ASIC2: variants seen among roughly 807,000 people sequenced by gnomAD.
ASIC2 encodes the protein acid-sensing ion channel 2.
Under a neutral mutation model 57.3 loss-of-function variants are expected in ASIC2, and 25 were observed. The ratio of observed to expected loss-of-function variants is 0.44; its 90% CI spans 0.32 to 0.61. ASIC2 has a LOEUF of 0.61. Ranked by LOEUF, ASIC2 falls within the 20% of genes least tolerant of loss-of-function variation. The pLI, the probability that ASIC2 is intolerant of heterozygous loss-of-function variation, is 0.06. For synonymous variants in ASIC2, 319 were observed against 307.5 expected (o/e 1.04, Z -0.39); for missense variants, 641 against 738.1 (o/e 0.87, Z 1.52).
chr17:33,401,973 T>G (rs2141959190), intron 1 of ASIC2, among the ~76,000 whole-genome samples: 1 of 152,324 alleles, frequency 6.6e-6, no homozygotes, highest in East Asian at 1.9e-4. Context: ...AAAGAATTGA[T>G]TCTCTTCTTT....
intron 2 of ASIC2, among the ~76,000 whole-genome samples, chr17:33,110,517 A>G (rs796862625): frequency 3.7e-4 from 57 of 152,334 alleles, no homozygotes; most frequent in African/African-American, 1.3e-3. Context: ...GAGCTTCCAG[A>G]TGGCACTGGC....
intron 1 of ASIC2, among the ~76,000 whole-genome samples, chr17:33,594,851 T>G (rs1380440634): frequency 6.7e-6 from 1 of 149,320 alleles, no homozygotes; most frequent in Non-Finnish European, 1.5e-5. Flanking sequence ...AAAAGAGCTC[T>G]GTTTAAGCGG....
chr17:33,443,008 G>GT (rs1006217246), intron 1 of ASIC2, among the ~76,000 whole-genome samples: 27 of 151,986 alleles, frequency 1.8e-4, no homozygotes, highest in African/African-American at 6.3e-4. Flanking sequence ...TTTATGAAAT[G>GT]TTTTTTTCTG....
intron 1 of ASIC2, among the ~76,000 whole-genome samples, chr17:34,047,506 CAGAAA>C (rs1416667378): frequency 7.3e-5 from 5 of 68,328 alleles, no homozygotes; most frequent in African/African-American, 4.7e-5. Context: ...CACCTTTCTC[CAGAAA>C]AAAAAAAAAA....
Position 34,061,402 on chromosome 17 carries a change from G to C in ASIC2, c.555+94576C>G, listed in dbSNP as rs144742077. Among the ~76,000 whole-genome samples the C allele has an allele frequency of 5.2e-4, 79 of 152,218 alleles. No homozygotes were observed. In the East Asian group the frequency reaches 0.015, roughly 29 times the overall value. On this transcript the variant is annotated intron_variant, in intron 1 of 9. Transcript: ENST00000359872. Reference sequence around the variant, plus strand: ...CACATCAAAACAGAATCTCTTCAAAGCATAAATCACACGGGACCTATAAAA... The same window carrying C: ...CACATCAAAACAGAATCTCTTCAAACCATAAATCACACGGGACCTATAAAA...
chr17:33,661,670 A>T (rs8079510), intron 1 of ASIC2, among the ~76,000 whole-genome samples: 62,166 of 152,064 alleles, frequency 0.41, 13,210 homozygotes, highest in African/African-American at 0.52. Flanking sequence ...GTGGAAACTG[A>T]TTTGGAGAAA....
At chr17:34,040,751 A>T (rs1305495632) in intron 1 of ASIC2, among the ~76,000 whole-genome samples, 4 of 152,142 alleles carry the variant, frequency 2.6e-5, no homozygotes, top group Non-Finnish European at 5.9e-5. Context: ...CTCACCTCTC[A>T]CATTTCCAGA....
At chr17:33,241,134 C>T (rs319760) in intron 1 of ASIC2, among the ~76,000 whole-genome samples, 118,186 of 152,202 alleles carry the variant, frequency 0.78, 46,538 homozygotes, top group African/African-American at 0.89. Context: ...CTGTATTAAA[C>T]CCATGTCTCC....
intron 1 of ASIC2, among the ~76,000 whole-genome samples, chr17:33,717,317 T>C (rs938809704): frequency 4.6e-5 from 7 of 152,180 alleles, no homozygotes; most frequent in Admixed American, 4.6e-4. Flanking sequence ...GCTCAAAATA[T>C]AGGTAGAGAG....
intron 1 of ASIC2, among the ~76,000 whole-genome samples, chr17:33,725,534 T>G (rs935885766): frequency 6.6e-6 from 1 of 152,194 alleles, no homozygotes; most frequent in African/African-American, 2.4e-5. Context: ...TAAGACTCAG[T>G]GCCTGCATTT....
At chr17:33,668,272 C>CTTTTTTT (rs397856474) in intron 1 of ASIC2, among the ~76,000 whole-genome samples, 4 of 61,388 alleles carry the variant, frequency 6.5e-5, no homozygotes, top group Non-Finnish European at 1.1e-4. Context: ...ATCAAATGTT[C>CTTTTTTT]TTTTTTTTTT....
At position 34,039,861 on chromosome 17, in the gene ASIC2, T is replaced by C. The variant is rs554683141; in HGVS notation, c.555+116117A>G. 4.9e-4 allele frequency: 787 copies of C among 1,605,018 alleles called. 4 individuals are homozygous for C. In the East Asian group the frequency reaches 0.017, roughly 35 times the overall value. ...GCCGTCGTGGGTCCAGGCTATGCAA[T>C]TCTTCCATCATTTCTACTGCCGCCG... On this transcript the variant is annotated intron_variant, in intron 1 of 9. Transcript: ENST00000359872.
intron 1 of ASIC2, among the ~76,000 whole-genome samples, chr17:33,971,379 A>G (rs1905225168): frequency 1.3e-5 from 2 of 152,224 alleles, no homozygotes; most frequent in Non-Finnish European, 2.9e-5. Flanking sequence ...CACCTGGAGA[A>G]GAGCAACGGC....
At chr17:33,791,409 C>T (rs1346590864) in intron 1 of ASIC2, among the ~76,000 whole-genome samples, 1 of 152,184 alleles carries the variant, frequency 6.6e-6, no homozygotes, top group Non-Finnish European at 1.5e-5. Context: ...GTATAGATTC[C>T]TTTTGCTGTA....
At chr17:33,566,439 C>T (rs913726049) in intron 1 of ASIC2, among the ~76,000 whole-genome samples, 2 of 152,176 alleles carry the variant, frequency 1.3e-5, no homozygotes, top group Non-Finnish European at 2.9e-5. Context: ...GGGCTGCCAG[C>T]TGTCCATACA....
intron 1 of ASIC2, among the ~76,000 whole-genome samples, chr17:33,822,569 TG>T (rs1322575039): frequency 1.3e-5 from 2 of 152,244 alleles, no homozygotes; most frequent in African/African-American, 4.8e-5. Flanking sequence ...CCAGCTTCAA[TG>T]TTATTCCTCA....
At chr17:33,860,710 A>T (rs1184747258) in intron 1 of ASIC2, among the ~76,000 whole-genome samples, 1 of 152,192 alleles carries the variant, frequency 6.6e-6, no homozygotes, top group Non-Finnish European at 1.5e-5. Context: ...TTTCCATAGC[A>T]TGAATTGATT....
At chr17:33,921,112 A>G (rs1418255162) in intron 1 of ASIC2, among the ~76,000 whole-genome samples, 4 of 152,202 alleles carry the variant, frequency 2.6e-5, no homozygotes, top group African/African-American at 9.6e-5. Flanking sequence ...TCGCTGTGTC[A>G]TGAAATTAAA....
At chr17:33,186,264 C>T (rs1340963911) in intron 1 of ASIC2, among the ~76,000 whole-genome samples, 1 of 152,092 alleles carries the variant, frequency 6.6e-6, no homozygotes, top group African/African-American at 2.4e-5. Flanking sequence ...GCATGTGCCT[C>T]CACACCTAGC....
Sources: allele counts gnomAD v4.1 joint callset (sites outside exome capture counted in the v4.1 genomes callset), GRCh38; gene constraint gnomAD v4.1.1; transcripts MANE v1.5; gene names NCBI Gene and HGNC (gene_info 2026-07-23, HGNC 2026-07-21).